NCAM2: variants seen among roughly 807,000 people sequenced by gnomAD.
The protein encoded by NCAM2 is N-CAM-2.
Under a neutral mutation model 98.1 loss-of-function variants are expected in NCAM2, and 30 were observed. That is an observed-to-expected ratio of 0.31 (90% CI 0.23 to 0.41). NCAM2 has a LOEUF of 0.41. Among genes scored for constraint, NCAM2 ranks in the 10% least tolerant of loss-of-function variants. NCAM2 has a pLI of 1.00. For missense variants in NCAM2, 867 were observed against 1,005.8 expected (o/e 0.86, Z 1.87); for synonymous variants, 368 against 342.4 (o/e 1.07, Z -0.83).
chr21:21,418,886 A>T (rs768931686), intron 11 of NCAM2, among the ~76,000 whole-genome samples: 1 of 152,196 alleles, frequency 6.6e-6, no homozygotes, highest in Non-Finnish European at 1.5e-5. Context: ...GGAATGCTCC[A>T]AGCACAAAGA....
intron 5 of NCAM2, among the ~76,000 whole-genome samples, chr21:21,309,231 T>G (rs2073971165): frequency 6.6e-6 from 1 of 152,226 alleles, no homozygotes; most frequent in African/African-American, 2.4e-5. Flanking sequence ...AATTTTAGCA[T>G]GGATGCTAGA....
chr21:21,490,432 A>G (rs950735873), intron 15 of NCAM2, among the ~76,000 whole-genome samples: 1 of 151,956 alleles, frequency 6.6e-6, no homozygotes, highest in Admixed American at 6.6e-5. Flanking sequence ...AGATATATTG[A>G]AAGTTCTAAA....
At chr21:21,085,016 G>T (rs1018009483) in intron 1 of NCAM2, among the ~76,000 whole-genome samples, 1 of 152,020 alleles carries the variant, frequency 6.6e-6, no homozygotes, top group Non-Finnish European at 1.5e-5. Context: ...CGCCGCTTCT[G>T]CTCCACAGTT....
chr21:21,009,255 A>G (rs73228158), intron 1 of NCAM2, among the ~76,000 whole-genome samples: 7,469 of 152,226 alleles, frequency 0.049, 218 homozygotes, highest in Non-Finnish European at 0.058. Flanking sequence ...TGTTGAAAAT[A>G]CATGATATGT....
chr21:21,514,908 G>A (rs1458034969), intron 16 of NCAM2, among the ~76,000 whole-genome samples: 1 of 152,024 alleles, frequency 6.6e-6, no homozygotes, highest in Non-Finnish European at 1.5e-5. Flanking sequence ...TCTTTGCCAT[G>A]GTTGTTTTCT....
intron 14 of NCAM2, among the ~76,000 whole-genome samples, chr21:21,471,859 C>T (rs1471272095): frequency 6.6e-6 from 1 of 151,940 alleles, no homozygotes; most frequent in Non-Finnish European, 1.5e-5. Flanking sequence ...ATTACAAAGA[C>T]AGAATTTATT....
At chr21:21,021,115 T>C (rs7278708) in intron 1 of NCAM2, among the ~76,000 whole-genome samples, 1,847 of 152,306 alleles carry the variant, frequency 0.012, 32 homozygotes, top group African/African-American at 0.042. Context: ...CCCAGCAATT[T>C]ATTGCATTCT....
chr21:21,115,736 C>T (rs1358816673), intron 1 of NCAM2, among the ~76,000 whole-genome samples: 3 of 152,114 alleles, frequency 2.0e-5, no homozygotes, highest in Non-Finnish European at 4.4e-5. Flanking sequence ...CACAAACCTC[C>T]TTCAGAATCA....
At chr21:21,282,279 T>G (rs551375009) in intron 2 of NCAM2, among the ~76,000 whole-genome samples, 36 of 152,070 alleles carry the variant, frequency 2.4e-4, no homozygotes, top group African/African-American at 8.4e-4. Context: ...TGGATTTGTA[T>G]ATTACTATGA....
chr21:21,027,805 T>A (rs1172942941), intron 1 of NCAM2, among the ~76,000 whole-genome samples: 5 of 152,140 alleles, frequency 3.3e-5, no homozygotes, highest in Non-Finnish European at 7.4e-5. Context: ...TATGTCAAAA[T>A]TGAGTCCTGA....
At chr21:21,494,036 G>A (rs1569117298) in intron 15 of NCAM2, among the ~76,000 whole-genome samples, 1 of 151,846 alleles carries the variant, frequency 6.6e-6, no homozygotes. Flanking sequence ...AAGATAGAAT[G>A]CAGTGAGTAT....
At chr21:21,073,995 C>G (rs2065627010) in intron 1 of NCAM2, among the ~76,000 whole-genome samples, 2 of 152,164 alleles carry the variant, frequency 1.3e-5, no homozygotes, top group African/African-American at 4.8e-5. Flanking sequence ...CTGATTTCCT[C>G]CCTTAGCTCT....
chr21:21,065,162 A>G (rs1203573370), intron 1 of NCAM2, among the ~76,000 whole-genome samples: 1 of 152,188 alleles, frequency 6.6e-6, no homozygotes, highest in Non-Finnish European at 1.5e-5. Context: ...CCTGTGCGAC[A>G]GAGTAAGACT....
At chr21:21,043,084 A>C (rs929434132) in intron 1 of NCAM2, among the ~76,000 whole-genome samples, 3 of 152,178 alleles carry the variant, frequency 2.0e-5, no homozygotes, top group African/African-American at 7.2e-5. Flanking sequence ...TACAAGTGCA[A>C]ATTTTATCTG....
chr21:21,020,997 G>A (rs1361560132), intron 1 of NCAM2, among the ~76,000 whole-genome samples: 3 of 152,076 alleles, frequency 2.0e-5, no homozygotes, highest in Admixed American at 6.6e-5. Context: ...AGTAGGGTTG[G>A]TAAGGTAGGT....
In NCAM2 at chr21:21,540,487, T is replaced by A. The variant is rs1394563876; in HGVS notation, c.*2530T>A. Reference sequence around the variant, plus strand: ...CAATACTGTGATAAAGTATTTTTTTTAATATTTCAATGGAATGCTCCAAAT... The same window carrying A: ...CAATACTGTGATAAAGTATTTTTTTAAATATTTCAATGGAATGCTCCAAAT... On this transcript the variant is annotated 3_prime_UTR_variant, in exon 18 of 18. Transcript: ENST00000400546. 6.6e-6 allele frequency: 1 copy of A among 151,928 alleles called. No individual in the cohort carries two copies. The highest frequency in any genetic ancestry group is 1.5e-5 in the Non-Finnish European group (1 of 67,954). 9.4% of individuals were successfully genotyped at this position (151,928 alleles called of 1,614,324 possible).
intron 5 of NCAM2, among the ~76,000 whole-genome samples, chr21:21,311,099 A>C (rs1408770778): frequency 1.3e-5 from 2 of 152,218 alleles, no homozygotes; most frequent in Non-Finnish European, 2.9e-5. Flanking sequence ...GTTTCACAAC[A>C]ATTTGTCTAC....
At chr21:21,419,136 A>G (rs969634627) in intron 11 of NCAM2, among the ~76,000 whole-genome samples, 3 of 152,126 alleles carry the variant, frequency 2.0e-5, no homozygotes, top group African/African-American at 7.2e-5. Flanking sequence ...TTTATAGGTA[A>G]CAATACAGAT....
At chr21:21,163,031 A>C (rs2826715) in intron 1 of NCAM2, among the ~76,000 whole-genome samples, 48,953 of 152,076 alleles carry the variant, frequency 0.32, 8,962 homozygotes, top group Non-Finnish European at 0.43. Flanking sequence ...AAAATAATGA[A>C]GAGTCCAATT....
Sources: allele counts gnomAD v4.1 joint callset (sites outside exome capture counted in the v4.1 genomes callset), GRCh38; gene constraint gnomAD v4.1.1; transcripts MANE v1.5; gene names NCBI Gene and HGNC (gene_info 2026-07-23, HGNC 2026-07-21).